The following WIF1 variants were observed in gnomAD, a reference collection of about 807,000 sequenced individuals.
WIF1 encodes the protein Wnt inhibitory factor 1.
WIF1 carries 35 observed loss-of-function variants against 53.5 expected under a neutral mutation model. That is an observed-to-expected ratio of 0.65 (90% CI 0.50 to 0.87). WIF1 has a LOEUF of 0.87. Ranked by LOEUF, WIF1 falls within the 40% of genes least tolerant of loss-of-function variation. WIF1 has a pLI of 0.00. For missense variants in WIF1, 467 were observed against 476.8 expected, an observed-to-expected ratio of 0.98 and a Z score of 0.19; for synonymous variants, 171 against 170.4, an observed-to-expected ratio of 1.00 and a Z score of -0.03.
chr12:65,115,359 C>T (rs1363862781), intron 2 of WIF1, among the ~76,000 whole-genome samples: 2 of 152,020 alleles, frequency 1.3e-5, no homozygotes, highest in Non-Finnish European at 2.9e-5. Flanking sequence ...AACCTTTTGG[C>T]CTTACACCAA....
intron 6 of WIF1, among the ~76,000 whole-genome samples, chr12:65,065,710 CTA>C (rs1882677974): frequency 6.6e-6 from 1 of 152,138 alleles, no homozygotes; most frequent in African/African-American, 2.4e-5. Flanking sequence ...AAAAAATGCT[CTA>C]TTCATACAAT....
chr12:65,060,661 C>T (rs1882598396), intron 7 of WIF1, among the ~76,000 whole-genome samples: 2 of 152,110 alleles, frequency 1.3e-5, no homozygotes, highest in Admixed American at 1.3e-4. Flanking sequence ...CCGAATGGTA[C>T]ATTTTAAAAT....
intron 2 of WIF1, among the ~76,000 whole-genome samples, chr12:65,108,362 C>A (rs1353707389): frequency 6.6e-6 from 1 of 152,224 alleles, no homozygotes; most frequent in South Asian, 2.1e-4. Flanking sequence ...ATCAATGTTT[C>A]CATTCTCCAC....
At chr12:65,110,914 A>T (rs978543904) in intron 2 of WIF1, among the ~76,000 whole-genome samples, 4 of 152,206 alleles carry the variant, frequency 2.6e-5, no homozygotes, top group Non-Finnish European at 5.9e-5. Context: ...CTGTTTTATT[A>T]GAGAGGGGAG....
intron 2 of WIF1, among the ~76,000 whole-genome samples, chr12:65,105,840 C>G (rs568023379): frequency 5.9e-5 from 9 of 152,160 alleles, no homozygotes; most frequent in Non-Finnish European, 1.2e-4. Context: ...TTTGCAGGGA[C>G]AAACCACACC....
At chr12:65,102,251 T>C (rs1592401872) in intron 2 of WIF1, among the ~76,000 whole-genome samples, 1 of 152,124 alleles carries the variant, frequency 6.6e-6, no homozygotes, top group African/African-American at 2.4e-5. Flanking sequence ...ATAGGAGTTA[T>C]ATACAGAGAT....
At chr12:65,057,195 A>G (rs999708557) in intron 7 of WIF1, among the ~76,000 whole-genome samples, 1 of 152,160 alleles carries the variant, frequency 6.6e-6, no homozygotes, top group African/African-American at 2.4e-5. Flanking sequence ...TGCAGTGGCA[A>G]TGGCTGGTGT....
intron 3 of WIF1, among the ~76,000 whole-genome samples, chr12:65,069,472 C>T (rs923523960): frequency 1.3e-5 from 2 of 152,086 alleles, no homozygotes; most frequent in South Asian, 2.1e-4. Flanking sequence ...AAATATTTTA[C>T]GACTCAGACT....
At chr12:65,115,410 G>A (rs1224310792) in intron 2 of WIF1, among the ~76,000 whole-genome samples, 4 of 152,064 alleles carry the variant, frequency 2.6e-5, no homozygotes, top group East Asian at 3.8e-4. Flanking sequence ...CCTAATGTTC[G>A]ATTCTGATTT....
At chr12:65,073,808 C>T (rs954165850) in intron 3 of WIF1, among the ~76,000 whole-genome samples, 5 of 152,148 alleles carry the variant, frequency 3.3e-5, no homozygotes, top group Non-Finnish European at 4.4e-5. Flanking sequence ...GTGTAAGGTT[C>T]CCATAAACTT....
intron 3 of WIF1, among the ~76,000 whole-genome samples, chr12:65,069,982 G>T (rs1298641422): frequency 6.6e-6 from 1 of 152,116 alleles, no homozygotes; most frequent in Non-Finnish European, 1.5e-5. Context: ...TTTTATTTCT[G>T]CATGGCAAGT....
At chr12:65,068,548 G>A (rs1365508913) in intron 4 of WIF1, among the ~76,000 whole-genome samples, 2 of 152,000 alleles carry the variant, frequency 1.3e-5, no homozygotes, top group African/African-American at 2.4e-5. Context: ...TAAAAGTGGG[G>A]TCAAGGTCAG....
At chr12:65,072,688 A>G (rs954586623) in intron 3 of WIF1, among the ~76,000 whole-genome samples, 1 of 152,196 alleles carries the variant, frequency 6.6e-6, no homozygotes, top group Non-Finnish European at 1.5e-5. Flanking sequence ...AATACTAGCA[A>G]CATGCACTCA....
intron 7 of WIF1, among the ~76,000 whole-genome samples, chr12:65,062,149 T>A (rs1882622729): frequency 6.6e-6 from 1 of 152,186 alleles, no homozygotes; most frequent in African/African-American, 2.4e-5. Flanking sequence ...CTGATCTACA[T>A]TTCCAGTCTG....
intron 2 of WIF1, among the ~76,000 whole-genome samples, chr12:65,080,230 G>A (rs184660614): frequency 6.6e-6 from 1 of 152,272 alleles, no homozygotes; most frequent in Admixed American, 6.5e-5. Context: ...GTGAGTTGTG[G>A]TCAAGTTTCC....
chr12:65,086,053 G>GT (rs1271408805), intron 2 of WIF1, among the ~76,000 whole-genome samples: 1 of 151,736 alleles, frequency 6.6e-6, no homozygotes, highest in Non-Finnish European at 1.5e-5. Context: ...AACAGTTAAG[G>GT]TTTTTTACTT....
In WIF1 at chr12:65,077,867, G is replaced by T; in HGVS notation, c.289-13C>A. 6.3e-7 allele frequency: 1 copy of T among 1,598,930 alleles called. No individual in the cohort carries two copies. Among genetic ancestry groups the T allele is most frequent in the Non-Finnish European group, 8.6e-7 (1 of 1,167,232 alleles). On this transcript the variant is annotated splice_polypyrimidine_tract_variant and intron_variant, in intron 2 of 9. Coordinates refer to ENST00000286574, the MANE Select transcript of WIF1 (RefSeq NM_007191.5). The stretch of plus-strand genomic sequence containing the variant: ...AGAAGTATTCTGCCTACAACCAAAG[G>T]CACTGACAGTTAGTAACATGGAAAC...
chr12:65,106,473 C>A (rs554982614), intron 2 of WIF1, among the ~76,000 whole-genome samples: 1 of 151,718 alleles, frequency 6.6e-6, no homozygotes, highest in African/African-American at 2.4e-5. Flanking sequence ...AAGTGATTAT[C>A]CTGCCTCAGC....
At chr12:65,119,318 C>A (rs1277632721) in intron 2 of WIF1, among the ~76,000 whole-genome samples, 1 of 152,068 alleles carries the variant, frequency 6.6e-6, no homozygotes. Flanking sequence ...CTCAGTGAAT[C>A]CAAAACCTCA....
Sources: allele counts gnomAD v4.1 joint callset (sites outside exome capture counted in the v4.1 genomes callset), GRCh38; gene constraint gnomAD v4.1.1; transcripts MANE v1.5; gene names NCBI Gene and HGNC (gene_info 2026-07-23, HGNC 2026-07-21).